The following AGBL1 variants were observed in gnomAD, a reference collection of about 807,000 sequenced individuals.
AGBL1 encodes cytosolic carboxypeptidase 4.
In AGBL1, 130 loss-of-function variants were observed where a neutral mutation model predicts 118.9. That is an observed-to-expected ratio of 1.09 (90% CI 0.95 to 1.26). AGBL1 has a LOEUF of 1.26. Among genes scored for constraint, AGBL1 ranks in the 50% most tolerant of loss-of-function variants. The probability of loss-of-function intolerance (pLI) is 0.00; values close to 1 mark genes in which losing one functional copy is unlikely to be tolerated. For missense variants in AGBL1, 1,584 were observed against 1,298.1 expected (o/e 1.22, Z -3.38); for synonymous variants, 555 against 478.9 (o/e 1.16, Z -2.08).
intron 22 of AGBL1, among the ~76,000 whole-genome samples, chr15:86,803,351 C>T (rs2078676501): frequency 6.6e-6 from 1 of 152,166 alleles, no homozygotes; most frequent in Non-Finnish European, 1.5e-5. Context: ...GTCCTTGCTT[C>T]CCCTTCACCT....
intron 18 of AGBL1, among the ~76,000 whole-genome samples, chr15:86,445,008 T>TA (rs1296022056): frequency 1.3e-5 from 2 of 152,172 alleles, no homozygotes; most frequent in African/African-American, 4.8e-5. Context: ...TGCTTATATA[T>TA]AAAAAGGTGG....
downstream of AGBL1, among the ~76,000 whole-genome samples, chr15:87,031,472 AACAT>A (rs2081781854): frequency 6.6e-6 from 1 of 151,528 alleles, no homozygotes; most frequent in Non-Finnish European, 1.5e-5. Context: ...TTTTTTCTTT[AACAT>A]GAGACGAGAA....
At chr15:86,728,637 TAA>T (rs929821258) in intron 22 of AGBL1, among the ~76,000 whole-genome samples, 14 of 152,228 alleles carry the variant, frequency 9.2e-5, no homozygotes, top group Admixed American at 2.0e-4. Flanking sequence ...TGTTTTGCAT[TAA>T]GTTTTGTTTT....
chr15:86,722,999 G>A lies in AGBL1; in HGVS notation c.3158+48563G>A, dbSNP rs866029712. Among the ~76,000 whole-genome samples the A allele has an allele frequency of 5.1e-3, 611 of 120,544 alleles. 3 individuals are homozygous for A. The highest frequency in any genetic ancestry group is 0.022 in the African/African-American group (574 of 26,654). 79.1% of individuals were successfully genotyped at this position (120,544 alleles called of 152,430 possible). On this transcript the variant is annotated intron_variant, in intron 22 of 22. Transcript: ENST00000614907. ...GAATGGCCATCATTAAAAAGTCAGG[G>A]AACAACAGGTGCTGGAGAGGATGTG...
intron 18 of AGBL1, among the ~76,000 whole-genome samples, chr15:86,504,161 A>T (rs2082947846): frequency 2.0e-5 from 3 of 151,662 alleles, no homozygotes; most frequent in African/African-American, 7.2e-5. Flanking sequence ...CTTTATCATT[A>T]TTTAATGTCC....
intron 22 of AGBL1, among the ~76,000 whole-genome samples, chr15:86,870,301 G>T (rs931842030): frequency 6.6e-6 from 1 of 151,248 alleles, no homozygotes; most frequent in Non-Finnish European, 1.5e-5. Context: ...GAGGCTTTGA[G>T]AATTTAAGTC....
chr15:86,742,196 A>G (rs555675753), intron 22 of AGBL1, among the ~76,000 whole-genome samples: 8 of 152,230 alleles, frequency 5.3e-5, no homozygotes, highest in African/African-American at 1.4e-4. Context: ...CAAAGGACCA[A>G]TTGTGTCACA....
At chr15:86,660,348 A>G (rs1421794273) in intron 21 of AGBL1, among the ~76,000 whole-genome samples, 2 of 152,016 alleles carry the variant, frequency 1.3e-5, no homozygotes, top group Non-Finnish European at 2.9e-5. Context: ...TTATAAACAA[A>G]CATACAAATA....
chr15:86,387,764 C>A (rs1447591782), intron 17 of AGBL1, among the ~76,000 whole-genome samples: 1 of 152,136 alleles, frequency 6.6e-6, no homozygotes, highest in Non-Finnish European at 1.5e-5. Context: ...CCCAAGAATC[C>A]CCAGTGCGGT....
intron 20 of AGBL1, among the ~76,000 whole-genome samples, chr15:86,547,136 A>G (rs2083594532): frequency 6.6e-6 from 1 of 152,140 alleles, no homozygotes; most frequent in South Asian, 2.1e-4. Flanking sequence ...GCTTATCCTC[A>G]ATAACCTGTT....
At chr15:86,894,474 T>C (rs1001460277) in intron 22 of AGBL1, among the ~76,000 whole-genome samples, 6 of 152,152 alleles carry the variant, frequency 3.9e-5, no homozygotes, top group African/African-American at 1.4e-4. Flanking sequence ...TGCTGTCTGC[T>C]CTCTGGCATG....
intron 1 of AGBL1, among the ~76,000 whole-genome samples, chr15:86,094,233 A>G (rs1297316244): frequency 6.6e-6 from 1 of 152,042 alleles, no homozygotes; most frequent in African/African-American, 2.4e-5. Context: ...CTCTCCCTAA[A>G]CTCATATATG....
At chr15:86,924,588 G>A (rs75096380) in intron 23 of AGBL1, among the ~76,000 whole-genome samples, 166 of 152,292 alleles carry the variant, frequency 1.1e-3, no homozygotes, top group African/African-American at 3.7e-3. Context: ...AGAGAAAGAC[G>A]ACAGCTCTGA....
At chr15:86,921,419 C>T (rs11073684) in intron 23 of AGBL1, among the ~76,000 whole-genome samples, 91,803 of 151,932 alleles carry the variant, frequency 0.6, 28,407 homozygotes, top group Non-Finnish European at 0.69. Flanking sequence ...CAGGGACATA[C>T]GTTAAGATGT....
intron 3 of AGBL1, among the ~76,000 whole-genome samples, chr15:86,146,467 C>A (rs1174032863): frequency 1.3e-5 from 2 of 152,188 alleles, no homozygotes; most frequent in Non-Finnish European, 2.9e-5. Context: ...TGGAACCAAT[C>A]CCACGTGGAC....
chr15:86,572,576 G>C (rs1044284165), intron 21 of AGBL1, among the ~76,000 whole-genome samples: 4 of 152,206 alleles, frequency 2.6e-5, no homozygotes, highest in African/African-American at 9.7e-5. Context: ...TGGTTGGTGA[G>C]AGCAGCAACA....
At chr15:86,726,227 G>T (rs924307021) in intron 22 of AGBL1, among the ~76,000 whole-genome samples, 1 of 152,182 alleles carries the variant, frequency 6.6e-6, no homozygotes, top group Non-Finnish European at 1.5e-5. Flanking sequence ...ACTTGGCAGA[G>T]CTGTGACTAA....
At chr15:86,489,629 G>A (rs2082754836) in intron 18 of AGBL1, among the ~76,000 whole-genome samples, 1 of 152,074 alleles carries the variant, frequency 6.6e-6, no homozygotes, top group Admixed American at 6.6e-5. Context: ...CCCTATTTTG[G>A]TAAATAAAGT....
At chr15:86,977,251 T>C (rs537466290) in intron 23 of AGBL1, among the ~76,000 whole-genome samples, 126 of 152,082 alleles carry the variant, frequency 8.3e-4, no homozygotes, top group Middle Eastern at 3.4e-3. Flanking sequence ...ACATAGCAAA[T>C]CTTATATATA....
Sources: allele counts gnomAD v4.1 joint callset (sites outside exome capture counted in the v4.1 genomes callset), GRCh38; gene constraint gnomAD v4.1.1; transcripts MANE v1.5; gene names NCBI Gene and HGNC (gene_info 2026-07-23, HGNC 2026-07-21).